EIPR1: variants seen among roughly 807,000 people sequenced by gnomAD.
EIPR1 encodes EARP and GARP complex-interacting protein 1.
A neutral mutation model predicts 48.1 loss-of-function variants in EIPR1; 25 were observed. That is an observed-to-expected ratio of 0.52 (90% CI 0.38 to 0.73). EIPR1 has a LOEUF of 0.73. Among genes scored for constraint, EIPR1 ranks in the 30% least tolerant of loss-of-function variants. The pLI, the probability that EIPR1 is intolerant of heterozygous loss-of-function variation, is 0.00. For missense variants in EIPR1, 415 were observed against 506.2 expected (o/e 0.82, Z 1.73); for synonymous variants, 204 against 201.9 (o/e 1.01, Z -0.09).
At position 3,274,561 on chromosome 2, in the gene EIPR1, C is replaced by T. The variant is rs565500109; in HGVS notation, c.260-17106G>A. On this transcript the variant is annotated intron_variant, in intron 3 of 8. Transcript: ENST00000382125. ...ACCATGAGAATTTACCTCCAAAAGCCTCACTAAGGGAACTTCTAAGGACAT... is the reference window on the plus strand; with the variant it reads ...ACCATGAGAATTTACCTCCAAAAGCTTCACTAAGGGAACTTCTAAGGACAT... 2.5e-4 allele frequency: 300 copies of T among 1,219,834 alleles called. 1 individual carries two copies. The highest frequency in any genetic ancestry group is 2.9e-4 in the Non-Finnish European group (272 of 933,476). 75.6% of individuals were successfully genotyped at this position (1,219,834 alleles called of 1,614,324 possible).
chr2:3,266,062 C>G (rs368358237), intron 3 of EIPR1, among the ~76,000 whole-genome samples: 1 of 152,212 alleles, frequency 6.6e-6, no homozygotes, highest in Non-Finnish European at 1.5e-5. Context: ...GGCATATTCG[C>G]GACTGCCAAC....
chr2:3,357,572 G>A (rs1670759305), intron 1 of EIPR1, among the ~76,000 whole-genome samples: 1 of 152,190 alleles, frequency 6.6e-6, no homozygotes, highest in African/African-American at 2.4e-5. Context: ...ACACTGCTGA[G>A]TGTTCAAACT....
chr2:3,285,993 C>T (rs749358383), intron 3 of EIPR1, among the ~76,000 whole-genome samples: 33 of 152,198 alleles, frequency 2.2e-4, no homozygotes, highest in Non-Finnish European at 4.3e-4. Flanking sequence ...GGAAGCAGTG[C>T]CCTGCCCTGA....
intron 4 of EIPR1, among the ~76,000 whole-genome samples, chr2:3,251,996 G>A (rs1667013402): frequency 6.6e-6 from 1 of 152,170 alleles, no homozygotes; most frequent in Admixed American, 6.5e-5. Flanking sequence ...ATCTCTTGGG[G>A]CCATGGGAAA....
At chr2:3,359,762 G>A (rs1670810800) in intron 1 of EIPR1, among the ~76,000 whole-genome samples, 1 of 152,136 alleles carries the variant, frequency 6.6e-6, no homozygotes, top group Non-Finnish European at 1.5e-5. Flanking sequence ...GTGTTCCAAT[G>A]ACCTTATTAC....
At chr2:3,228,304 T>C (rs1666129619) in intron 4 of EIPR1, among the ~76,000 whole-genome samples, 1 of 152,256 alleles carries the variant, frequency 6.6e-6, no homozygotes. Flanking sequence ...CTTTAAGGTT[T>C]AATGACTGCT....
At chr2:3,197,270 G>C (rs952667220) in intron 5 of EIPR1, among the ~76,000 whole-genome samples, 1 of 152,214 alleles carries the variant, frequency 6.6e-6, no homozygotes, top group South Asian at 2.1e-4. Context: ...GCGTTTGCTT[G>C]CAAGTATGTG....
intron 4 of EIPR1, among the ~76,000 whole-genome samples, chr2:3,218,399 T>C (rs1047082591): frequency 8.8e-5 from 13 of 148,488 alleles, no homozygotes; most frequent in African/African-American, 3.3e-4. Flanking sequence ...ATGGCCCTGA[T>C]ACGCTCTAGA....
chr2:3,256,678 GAA>G (rs1170785207), intron 4 of EIPR1, among the ~76,000 whole-genome samples: 1 of 152,206 alleles, frequency 6.6e-6, no homozygotes, highest in Non-Finnish European at 1.5e-5. Context: ...ATCTCCTTTA[GAA>G]AATACGGCTT....
At chr2:3,361,179 G>A (rs1440758871) in intron 1 of EIPR1, among the ~76,000 whole-genome samples, 1 of 152,124 alleles carries the variant, frequency 6.6e-6, no homozygotes, top group Non-Finnish European at 1.5e-5. Context: ...TTCATTCATT[G>A]GCTCCTGCAC....
At chr2:3,205,232 C>T (rs1028115413) in intron 5 of EIPR1, among the ~76,000 whole-genome samples, 6 of 152,240 alleles carry the variant, frequency 3.9e-5, no homozygotes, top group Admixed American at 6.5e-5. Context: ...TCCTCAGGGA[C>T]TGACACTGCT....
intron 1 of EIPR1, among the ~76,000 whole-genome samples, chr2:3,362,406 G>A (rs1275558571): frequency 6.6e-6 from 1 of 151,502 alleles, no homozygotes; most frequent in Non-Finnish European, 1.5e-5. Context: ...CTCCCCATTC[G>A]GTGCTTAAAT....
chr2:3,205,684 C>G (rs1358126594), intron 5 of EIPR1, among the ~76,000 whole-genome samples: 2 of 152,228 alleles, frequency 1.3e-5, no homozygotes, highest in Non-Finnish European at 2.9e-5. Flanking sequence ...CCTTCCCTAT[C>G]TCTGGTTGGG....
In EIPR1 at chr2:3,346,548, G is replaced by A. The variant is rs527474117; in HGVS notation, c.126+8002C>T. Among the ~76,000 whole-genome samples the A allele has an allele frequency of 7.2e-5, 11 of 152,322 alleles. No individual in the cohort carries two copies. In the East Asian group the frequency reaches 2.1e-3, roughly 29 times the overall value. On this transcript the variant is annotated intron_variant, in intron 2 of 8. Transcript: ENST00000382125. ...AGGACACAGCAGTGAATGGTCCTTG[G>A]CCTCACAATATGTGTCAGGGATCGC...
intron 7 of EIPR1, 67 bp from the exon 8 acceptor site, chr2:3,192,648 C>A (rs1664648827): frequency 2.6e-6 from 4 of 1,552,134 alleles, no homozygotes; most frequent in Non-Finnish European, 1.8e-6. Context: ...ATGGATCACA[C>A]CGGCTCTGAG....
intron 4 of EIPR1, among the ~76,000 whole-genome samples, chr2:3,220,862 T>C (rs1665864122): frequency 6.7e-6 from 1 of 148,854 alleles, no homozygotes; most frequent in South Asian, 2.1e-4. Flanking sequence ...ACGTACGCAA[T>C]GGCCGAGGTA....
At chr2:3,342,692 C>CA (rs766819839) in intron 2 of EIPR1, among the ~76,000 whole-genome samples, 8 of 152,380 alleles carry the variant, frequency 5.3e-5, no homozygotes, top group Non-Finnish European at 1.2e-4. Flanking sequence ...CCTCTAGGTT[C>CA]ACCTCTTCCA....
chr2:3,373,795 CA>C (rs1230278925), intron 1 of EIPR1, among the ~76,000 whole-genome samples: 1 of 151,394 alleles, frequency 6.6e-6, no homozygotes, highest in East Asian at 1.9e-4. Context: ...TGAAAATGGC[CA>C]TACTGCCCAA....
At chr2:3,258,918 TTTTATTTA>T (rs566605791) in intron 3 of EIPR1, among the ~76,000 whole-genome samples, 2 of 151,970 alleles carry the variant, frequency 1.3e-5, no homozygotes, top group Non-Finnish European at 2.9e-5. Flanking sequence ...TACAAGGGAA[TTTTATTTA>T]TTTATTTATT....
Sources: allele counts gnomAD v4.1 joint callset (sites outside exome capture counted in the v4.1 genomes callset), GRCh38; gene constraint gnomAD v4.1.1; transcripts MANE v1.5; gene names NCBI Gene and HGNC (gene_info 2026-07-23, HGNC 2026-07-21).